VTI1A: variants seen among roughly 807,000 people sequenced by gnomAD.
The protein encoded by VTI1A is vesicle transport through interaction with t-SNAREs 1A.
In VTI1A, 22 loss-of-function variants were observed where a neutral mutation model predicts 34.9. The observed-to-expected ratio is 0.63, with a 90% CI of 0.45 to 0.90. The LOEUF is 0.90. Among genes scored for constraint, VTI1A ranks in the 40% least tolerant of loss-of-function variants. The pLI is 0.00. For missense variants in VTI1A, 268 were observed against 275.6 expected (o/e 0.97, Z 0.20); for synonymous variants, 87 against 97.3 (o/e 0.89, Z 0.62).
intron 7 of VTI1A, among the ~76,000 whole-genome samples, chr10:112,673,652 A>G (rs1332301327): frequency 6.6e-6 from 1 of 152,226 alleles, no homozygotes; most frequent in African/African-American, 2.4e-5. Flanking sequence ...CATTCACACA[A>G]TATTATCTGA....
intron 7 of VTI1A, among the ~76,000 whole-genome samples, chr10:112,785,527 A>G (rs956761367): frequency 2.6e-5 from 4 of 152,188 alleles, no homozygotes; most frequent in African/African-American, 9.7e-5. Flanking sequence ...AAATTTATCA[A>G]TTTTTAATTT....
chr10:112,796,790 C>A (rs1414297693), intron 7 of VTI1A, among the ~76,000 whole-genome samples: 1 of 152,206 alleles, frequency 6.6e-6, no homozygotes, highest in Non-Finnish European at 1.5e-5. Flanking sequence ...AGTTCTCTAT[C>A]AAGTAAACCA....
chr10:112,456,821 G>C (rs147766144), intron 1 of VTI1A, among the ~76,000 whole-genome samples: 74 of 152,316 alleles, frequency 4.9e-4, no homozygotes, highest in Admixed American at 2.0e-3. Flanking sequence ...ACCAAGGAAA[G>C]AGAATAGTTA....
chr10:112,563,090 A>G (rs909342213), intron 5 of VTI1A, among the ~76,000 whole-genome samples: 1 of 152,192 alleles, frequency 6.6e-6, no homozygotes, highest in South Asian at 2.1e-4. Flanking sequence ...GACTCTCTAA[A>G]TGTGCTAATT....
chr10:112,723,691 A>C (rs2133944633), intron 7 of VTI1A, among the ~76,000 whole-genome samples: 1 of 152,350 alleles, frequency 6.6e-6, no homozygotes, highest in South Asian at 2.1e-4. Flanking sequence ...TAATCGTTTA[A>C]AAAGTAAATA....
chr10:112,838,036 G>A, the VTI1A span, among the ~76,000 whole-genome samples: 1 of 152,236 alleles, frequency 6.6e-6, no homozygotes, highest in African/African-American at 2.4e-5. Context: ...CCAGGATGCT[G>A]AAGTCATGGC....
chr10:112,827,996 G>A, the VTI1A span, among the ~76,000 whole-genome samples: 4 of 152,102 alleles, frequency 2.6e-5, no homozygotes, highest in African/African-American at 9.7e-5. Flanking sequence ...TCTCTCACTG[G>A]TGAGCCTGGA....
At chr10:112,692,539 A>G (rs527683723) in intron 7 of VTI1A, among the ~76,000 whole-genome samples, 2 of 152,272 alleles carry the variant, frequency 1.3e-5, no homozygotes, top group South Asian at 2.1e-4. Flanking sequence ...CCAGATGTCA[A>G]TGATTTGAGT....
At chr10:112,769,741 T>A (rs1424005332) in intron 7 of VTI1A, among the ~76,000 whole-genome samples, 1 of 152,164 alleles carries the variant, frequency 6.6e-6, no homozygotes, top group Non-Finnish European at 1.5e-5. Context: ...GTCTCACCTC[T>A]TTTACCTTCC....
chr10:112,787,520 T>C (rs1852323288), intron 7 of VTI1A, among the ~76,000 whole-genome samples: 1 of 152,122 alleles, frequency 6.6e-6, no homozygotes, highest in African/African-American at 2.4e-5. Flanking sequence ...CAGATAAATT[T>C]CTCTCTAAGC....
At chr10:112,691,128 G>A (rs1028553638) in intron 7 of VTI1A, among the ~76,000 whole-genome samples, 1 of 152,048 alleles carries the variant, frequency 6.6e-6, no homozygotes, top group African/African-American at 2.4e-5. Context: ...AGGCATGGTG[G>A]TGTGTGCCTG....
chr10:112,793,126 T>A (rs1296447928), intron 7 of VTI1A, among the ~76,000 whole-genome samples: 1 of 152,212 alleles, frequency 6.6e-6, no homozygotes, highest in African/African-American at 2.4e-5. Flanking sequence ...TTATTTGATA[T>A]AAAGTGCTGC....
intron 7 of VTI1A, among the ~76,000 whole-genome samples, chr10:112,692,990 C>T (rs1256372908): frequency 1.3e-5 from 2 of 152,324 alleles, no homozygotes; most frequent in East Asian, 3.9e-4. Flanking sequence ...GAATGAATGT[C>T]TCTCTCACGA....
At chr10:112,685,665 T>C (rs1269260274) in intron 7 of VTI1A, among the ~76,000 whole-genome samples, 2 of 152,356 alleles carry the variant, frequency 1.3e-5, no homozygotes, top group East Asian at 3.9e-4. Flanking sequence ...GTTGTTGTTT[T>C]TTTCCCCCCT....
At chr10:112,574,994 C>T (rs1332590200) in intron 5 of VTI1A, among the ~76,000 whole-genome samples, 1 of 152,058 alleles carries the variant, frequency 6.6e-6, no homozygotes, top group Non-Finnish European at 1.5e-5. Flanking sequence ...AAAATAAGGC[C>T]CTGATGTGTT....
rs557471986 is a variant in VTI1A, at chr10:112,638,792, C to T, written c.428-29426C>T. On this transcript the variant is annotated intron_variant, in intron 5 of 7. Transcript: ENST00000393077. ...AGAATACAGATATTACCATTTCCTT[C>T]TGGCTTAGTCCTAGCAAAACAGGTT... Among the ~76,000 whole-genome samples, 155 of 131,626 alleles carry T rather than the reference C, an allele frequency of 1.2e-3. 1 individual carries two copies. The highest frequency in any genetic ancestry group is 4.1e-3 in the South Asian group (17 of 4,116). The allele number at this position is 131,626 out of a possible 152,430, so 86.4% of individuals were successfully genotyped here. A position where few individuals can be genotyped will look rare whatever the true frequency, so the allele number is the denominator to read the frequency against.
At chr10:112,847,168 T>C in the VTI1A span, among the ~76,000 whole-genome samples, 2 of 152,160 alleles carry the variant, frequency 1.3e-5, no homozygotes, top group Admixed American at 6.5e-5. Context: ...CAAATTATGT[T>C]TGTTTCTTCT....
At chr10:112,448,488 A>G (rs927221595) in intron 1 of VTI1A, 1 of 152,254 alleles carries the variant, frequency 6.6e-6, no homozygotes, top group African/African-American at 2.4e-5. Context: ...GTGAATGAGC[A>G]GGTGAATATA....
chr10:112,470,047 G>A (rs563587883), intron 3 of VTI1A, among the ~76,000 whole-genome samples: 2 of 152,232 alleles, frequency 1.3e-5, no homozygotes, highest in South Asian at 2.1e-4. Context: ...AAGGAATTAC[G>A]CTCCTCCACT....
Sources: gnomAD v4.1 joint callset for allele counts (sites outside exome capture counted in the v4.1 genomes callset) on GRCh38, gnomAD v4.1.1 for gene constraint, MANE v1.5 for transcripts, NCBI Gene and HGNC (gene_info 2026-07-23, HGNC 2026-07-21) for gene names.